The following ALCAM variants were observed in gnomAD, a reference collection of about 807,000 sequenced individuals.
The protein encoded by ALCAM is CD166 antigen.
A neutral mutation model predicts 70.9 loss-of-function variants in ALCAM; 30 were observed. The ratio of observed to expected loss-of-function variants is 0.42; its 90% CI spans 0.32 to 0.57. ALCAM has a LOEUF of 0.57. ALCAM is among the 20% of genes least tolerant of loss of function. The pLI is 0.11. For missense variants in ALCAM, 591 were observed against 695.1 expected (o/e 0.85, Z 1.68); for synonymous variants, 249 against 242.5 (o/e 1.03, Z -0.25).
intron 15 of ALCAM, among the ~76,000 whole-genome samples, chr3:105,573,460 C>T (rs971557014): frequency 2.0e-5 from 3 of 152,188 alleles, no homozygotes; most frequent in Admixed American, 6.5e-5. Context: ...TATACATATA[C>T]GCATATGCTT....
intron 1 of ALCAM, among the ~76,000 whole-genome samples, chr3:105,368,355 C>T (rs556861098): frequency 6.7e-4 from 102 of 152,242 alleles, no homozygotes; most frequent in South Asian, 6.0e-3. Context: ...TCCTCAGGCC[C>T]GCCTGGCGGC....
chr3:105,432,939 C>T (rs776343361), intron 1 of ALCAM, among the ~76,000 whole-genome samples: 1 of 152,092 alleles, frequency 6.6e-6, no homozygotes, highest in Non-Finnish European at 1.5e-5. Flanking sequence ...CTTCATATAA[C>T]CAATTTTCCA....
rs190555081 is a variant in ALCAM, at chr3:105,412,250, G to A, written c.73+44769G>A. 3.3e-5 allele frequency among the ~76,000 whole-genome samples: 5 copies of A among 152,190 alleles called. No individual in the cohort carries two copies. In the East Asian group the frequency reaches 5.8e-4, roughly 18 times the overall value. On this transcript the variant is annotated intron_variant, in intron 1 of 15. Coordinates refer to ENST00000306107, the MANE Select transcript of ALCAM (RefSeq NM_001627.4). ...ATAATTAGGACATTGGTTTCCTTCA[G>A]GATTCTGTCTTAATAACCTTGAAGA... is the stretch of plus-strand genomic sequence containing the variant.
chr3:105,478,323 T>A (rs1438355606), intron 1 of ALCAM, among the ~76,000 whole-genome samples: 1 of 152,140 alleles, frequency 6.6e-6, no homozygotes, highest in Admixed American at 6.6e-5. Context: ...TGTTCATGCA[T>A]ATATGATTTG....
At chr3:105,555,126 T>C (rs1293334864) in intron 14 of ALCAM, among the ~76,000 whole-genome samples, 3 of 151,956 alleles carry the variant, frequency 2.0e-5, no homozygotes, top group Non-Finnish European at 4.4e-5. Flanking sequence ...TGGATAAATA[T>C]ATGCTGGACA....
chr3:105,475,751 A>C (rs56052407), intron 1 of ALCAM, among the ~76,000 whole-genome samples: 28,362 of 151,740 alleles, frequency 0.19, 2,825 homozygotes, highest in East Asian at 0.37. Context: ...TATCTGTCAT[A>C]GCTTCTCCCA....
intron 1 of ALCAM, among the ~76,000 whole-genome samples, chr3:105,515,055 A>G (rs1172671510): frequency 6.6e-6 from 1 of 151,826 alleles, no homozygotes; most frequent in Non-Finnish European, 1.5e-5. Context: ...TGTATCTCAC[A>G]CACACACACA....
intron 1 of ALCAM, among the ~76,000 whole-genome samples, chr3:105,424,241 G>C (rs2164954): frequency 0.16 from 24,161 of 151,448 alleles, 2,195 homozygotes; most frequent in East Asian, 0.37. Flanking sequence ...TCAAATCCTA[G>C]ATACTATTAA....
At chr3:105,533,507 C>G (rs1397520757) in intron 4 of ALCAM, 96 bp from the exon 5 acceptor site, 2 of 978,280 alleles carry the variant, frequency 2.0e-6, no homozygotes, top group African/African-American at 3.2e-5. Context: ...GTCAAGAAAC[C>G]CTTGGAATAA....
chr3:105,420,931 T>C (rs1936634544), intron 1 of ALCAM, among the ~76,000 whole-genome samples: 1 of 151,478 alleles, frequency 6.6e-6, no homozygotes. Context: ...ATTCAAGGGC[T>C]TAGACACAGT....
intron 1 of ALCAM, among the ~76,000 whole-genome samples, chr3:105,377,971 CTT>C (rs1935419990): frequency 6.6e-6 from 1 of 151,954 alleles, no homozygotes; most frequent in Non-Finnish European, 1.5e-5. Context: ...ACTAAACAAA[CTT>C]CAGTTATTTT....
chr3:105,418,136 A>T (rs1474111838), intron 1 of ALCAM, among the ~76,000 whole-genome samples: 2 of 151,816 alleles, frequency 1.3e-5, no homozygotes, highest in Non-Finnish European at 2.9e-5. Flanking sequence ...TCTTTCTTAC[A>T]AAGGCCTTTA....
intron 1 of ALCAM, among the ~76,000 whole-genome samples, chr3:105,433,844 T>G (rs1319074066): frequency 4.0e-5 from 6 of 150,770 alleles, no homozygotes; most frequent in African/African-American, 1.5e-4. Context: ...GTAATGGATA[T>G]CTGATGAACT....
Position 105,541,680 on chromosome 3 carries a change from T to C in ALCAM, c.906T>C (p.Asp302=), listed in dbSNP as rs35271455. The change falls in exon 8 of 16, where the codon GAT becomes GAC. Residue 302 remains aspartate (D), a synonymous_variant. Coordinates refer to ENST00000306107, the MANE Select transcript of ALCAM (RefSeq NM_001627.4). ...GCTCAAATACTTACACACTGACGGA[T>C]GTGAGGCGCAATGCAACAGGAGACT... is the stretch of plus-strand genomic sequence containing the variant. ...IRSSNTYTLT[D]VRRNATGDYK... The C allele has an allele frequency of 0.012, 18,589 of 1,612,240 alleles. 167 individuals carry two copies. The highest frequency in any genetic ancestry group is 0.019 in the Middle Eastern group (115 of 6,050).
intron 1 of ALCAM, among the ~76,000 whole-genome samples, chr3:105,384,450 T>C (rs1422246843): frequency 2.6e-5 from 4 of 151,618 alleles, no homozygotes; most frequent in African/African-American, 9.6e-5. Flanking sequence ...TACTTTACTT[T>C]TGATCCTTCC....
intron 1 of ALCAM, among the ~76,000 whole-genome samples, chr3:105,453,915 T>C (rs1305079697): frequency 6.6e-6 from 1 of 152,202 alleles, no homozygotes; most frequent in African/African-American, 2.4e-5. Flanking sequence ...TTTTGCACAG[T>C]GATTTTGTAT....
chr3:105,523,113 C>G (rs1265096034), intron 2 of ALCAM, among the ~76,000 whole-genome samples: 1 of 127,926 alleles, frequency 7.8e-6, no homozygotes, highest in Admixed American at 1.0e-4. Context: ...GCACTCCAGC[C>G]TGGGCGACAG....
intron 1 of ALCAM, among the ~76,000 whole-genome samples, chr3:105,368,263 G>GAGAGAGAGAGAGAGAGAGAGAA (rs1412428456): frequency 7.0e-6 from 1 of 143,450 alleles, no homozygotes; most frequent in South Asian, 2.3e-4. Context: ...GAGAGAGAGA[G>GAGAGAGAGAGAGAGAGAGAGAA]AAAAGGCAAA....
intron 1 of ALCAM, among the ~76,000 whole-genome samples, chr3:105,387,171 G>T (rs1034107611): frequency 1.3e-5 from 2 of 151,388 alleles, no homozygotes; most frequent in Non-Finnish European, 3.0e-5. Flanking sequence ...GCGTCCAAAT[G>T]AGGTTGCTGC....
Sources: gnomAD v4.1 joint callset for allele counts (sites outside exome capture counted in the v4.1 genomes callset) on GRCh38, gnomAD v4.1.1 for gene constraint, MANE v1.5 for transcripts, NCBI Gene and HGNC (gene_info 2026-07-23, HGNC 2026-07-21) for gene names.